Variants in CELF4 observed in about 807,000 individuals in gnomAD.
The protein encoded by CELF4 is CUGBP Elav-like family member 4.
A neutral mutation model predicts 59.9 loss-of-function variants in CELF4; 18 were observed. The observed-to-expected ratio is 0.30, with a 90% CI of 0.21 to 0.45. CELF4 has a LOEUF of 0.45. Ranked by LOEUF, CELF4 falls within the 20% of genes least tolerant of loss-of-function variation. CELF4 has a pLI of 1.00. For missense variants in CELF4, 456 were observed against 689.0 expected (o/e 0.66, Z 3.79); for synonymous variants, 261 against 267.1 (o/e 0.98, Z 0.22).
chr18:37,485,528 G>C lies in CELF4; in HGVS notation c.366C>G (p.Pro122=), dbSNP rs752571983. Residue 122 remains proline (P), a synonymous_variant, in exon 2 of 13, where the codon CCC becomes CCG. Transcript: ENST00000420428. ...QSALHEQKTL[P]GMNRPIQVKP... Reference sequence around the variant, plus strand: ...CGCCACGGCGGGCGCCACTTACCCCGGGCAGAGTCTTCTGCTCGTGCAGCG... The same window carrying C: ...CGCCACGGCGGGCGCCACTTACCCCCGGCAGAGTCTTCTGCTCGTGCAGCG... The C allele has an allele frequency of 3.0e-5, 40 of 1,335,992 alleles. No homozygotes were observed. Among genetic ancestry groups the C allele is most frequent in the Middle Eastern group, 5.2e-4 (2 of 3,848 alleles). The allele number at this position is 1,335,992 out of a possible 1,614,324, so 82.8% of individuals were successfully genotyped here.
chr18:37,423,049 C>T (rs140961494), intron 2 of CELF4, among the ~76,000 whole-genome samples: 22 of 134,276 alleles, frequency 1.6e-4, no homozygotes, highest in Admixed American at 3.3e-4. Context: ...TACACATAGA[C>T]ACATGCGCGC....
chr18:37,487,373 G>C (rs1214482341), intron 1 of CELF4, among the ~76,000 whole-genome samples: 2 of 152,156 alleles, frequency 1.3e-5, no homozygotes, highest in African/African-American at 2.4e-5. Flanking sequence ...AGCTCCCAGT[G>C]CCCCCTCTGC....
chr18:37,432,594 C>A (rs977178004), intron 2 of CELF4, among the ~76,000 whole-genome samples: 4 of 152,164 alleles, frequency 2.6e-5, no homozygotes, highest in Admixed American at 6.5e-5. Context: ...ATGAAAGATG[C>A]GCAGGAGAAT....
intron 2 of CELF4, among the ~76,000 whole-genome samples, chr18:37,444,616 A>G (rs2154601328): frequency 8.6e-6 from 1 of 116,580 alleles, no homozygotes; most frequent in South Asian, 3.8e-4. Flanking sequence ...TCTAGCATGC[A>G]TACACACACA....
At chr18:37,559,563 T>C (rs1411429072) in intron 1 of CELF4, among the ~76,000 whole-genome samples, 2 of 152,146 alleles carry the variant, frequency 1.3e-5, no homozygotes, top group Admixed American at 6.5e-5. Context: ...CTCTGTTACA[T>C]TTCTGCCCTC....
chr18:37,402,633 AG>A (rs995281021), intron 2 of CELF4, among the ~76,000 whole-genome samples: 2 of 152,196 alleles, frequency 1.3e-5, no homozygotes, highest in African/African-American at 4.8e-5. Context: ...AATGTGGAAA[AG>A]GTGAAAGAGA....
At chr18:37,347,424 T>TC (rs936082600) in intron 2 of CELF4, among the ~76,000 whole-genome samples, 3 of 152,096 alleles carry the variant, frequency 2.0e-5, no homozygotes. Flanking sequence ...TGCAGGCCCA[T>TC]CCCCCACCCC....
intron 1 of CELF4, among the ~76,000 whole-genome samples, chr18:37,542,069 A>T (rs1342502842): frequency 6.6e-6 from 1 of 152,074 alleles, no homozygotes; most frequent in Non-Finnish European, 1.5e-5. Context: ...TGAATGAGTG[A>T]ATTATTCAAT....
chr18:37,247,808 C>T (rs963664942), intron 12 of CELF4, among the ~76,000 whole-genome samples: 2 of 152,126 alleles, frequency 1.3e-5, no homozygotes, highest in Non-Finnish European at 2.9e-5. Context: ...AAAAATAAAA[C>T]AGCCCCTCAA....
intron 2 of CELF4, among the ~76,000 whole-genome samples, chr18:37,334,567 T>C (rs116931882): frequency 0.029 from 4,449 of 152,136 alleles, 103 homozygotes; most frequent in Non-Finnish European, 0.045. Flanking sequence ...CGGAGACCCT[T>C]GTCTGTGTTA....
chr18:37,307,280 CCCACA>C (rs2096461623), intron 3 of CELF4, among the ~76,000 whole-genome samples: 1 of 152,124 alleles, frequency 6.6e-6, no homozygotes, highest in Non-Finnish European at 1.5e-5. Flanking sequence ...AAATCACAGC[CCCACA>C]GTCGTGGGGC....
chr18:37,377,266 G>C (rs913137059), intron 2 of CELF4, among the ~76,000 whole-genome samples: 1 of 152,164 alleles, frequency 6.6e-6, no homozygotes, highest in African/African-American at 2.4e-5. Context: ...AAGACTGCCT[G>C]AGGACGGCCT....
chr18:37,520,723 T>A (rs2099956387), intron 1 of CELF4, among the ~76,000 whole-genome samples: 1 of 152,106 alleles, frequency 6.6e-6, no homozygotes, highest in Non-Finnish European at 1.5e-5. Flanking sequence ...TCCCAAGACA[T>A]TTAGGGGATT....
At chr18:37,490,979 C>T (rs903831880) in intron 1 of CELF4, among the ~76,000 whole-genome samples, 4 of 152,186 alleles carry the variant, frequency 2.6e-5, no homozygotes, top group Admixed American at 1.3e-4. Context: ...AGGATAGAAG[C>T]GCAGCCTGTT....
intron 2 of CELF4, among the ~76,000 whole-genome samples, chr18:37,355,934 C>T (rs1399433060): frequency 3.9e-5 from 6 of 152,286 alleles, no homozygotes; most frequent in South Asian, 2.1e-4. Context: ...GATGGGGCCT[C>T]GGAATGCCCT....
chr18:37,561,889 C>A (rs1003606574), intron 1 of CELF4, among the ~76,000 whole-genome samples: 1 of 152,198 alleles, frequency 6.6e-6, no homozygotes, highest in South Asian at 2.1e-4. Context: ...GAAAAACAAT[C>A]TTTCCCAAAG....
chr18:37,433,162 G>A lies in CELF4; in HGVS notation c.369+52363C>T, dbSNP rs186375920. On this transcript the variant is annotated intron_variant, in intron 2 of 12. Coordinates refer to ENST00000420428, the MANE Select transcript of CELF4 (RefSeq NM_020180.4). ...CTTAAGTTCAGTGCCTCCTACAATG[G>A]CCCCCTCTTCCCCAAGAAGTGACTG... Among the ~76,000 whole-genome samples the A allele has an allele frequency of 9.1e-4, 138 of 152,268 alleles. 1 individual carries two copies. The highest frequency in any genetic ancestry group is 2.9e-3 in the African/African-American group (120 of 41,566).
At chr18:37,329,574 C>T (rs1414321862) in intron 2 of CELF4, among the ~76,000 whole-genome samples, 1 of 152,242 alleles carries the variant, frequency 6.6e-6, no homozygotes, top group Non-Finnish European at 1.5e-5. Context: ...CCAGCCTGGG[C>T]TACCACAGGG....
chr18:37,434,734 G>T (rs561964215), intron 2 of CELF4, among the ~76,000 whole-genome samples: 82 of 152,254 alleles, frequency 5.4e-4, no homozygotes, highest in Middle Eastern at 6.8e-3. Flanking sequence ...AATACCTAGG[G>T]CAGCCTGCCT....
Sources: allele counts gnomAD v4.1 joint callset (sites outside exome capture counted in the v4.1 genomes callset), GRCh38; gene constraint gnomAD v4.1.1; transcripts MANE v1.5; gene names NCBI Gene and HGNC (gene_info 2026-07-23, HGNC 2026-07-21).